MINDY2: variants seen among roughly 807,000 people sequenced by gnomAD.
MINDY2 encodes the protein ubiquitin carboxyl-terminal hydrolase MINDY-2.
Under a neutral mutation model 68.2 loss-of-function variants are expected in MINDY2, and 52 were observed. That is an observed-to-expected ratio of 0.76 (90% CI 0.61 to 0.96). The LOEUF (loss-of-function observed/expected upper bound fraction) is 0.96, where lower values mean the gene tolerates loss of function less well. Ranked by LOEUF, MINDY2 falls within the 40% of genes least tolerant of loss-of-function variation. The pLI is 0.00. For synonymous variants in MINDY2, 372 were observed against 303.0 expected (o/e 1.23, Z -2.36); for missense variants, 881 against 773.4 (o/e 1.14, Z -1.65).
intron 6 of MINDY2, among the ~76,000 whole-genome samples, chr15:58,836,535 C>T (rs1212058975): frequency 1.3e-5 from 2 of 152,088 alleles, no homozygotes; most frequent in African/African-American, 4.8e-5. Flanking sequence ...TCCTATATTC[C>T]TATTGTACCA....
At position 58,851,831 on chromosome 15, in the gene MINDY2, C is replaced by G. The variant is rs1344582122; in HGVS notation, c.1603C>G (p.Gln535Glu). The change falls in exon 8 of 9, where the codon CAA becomes GAA. Residue 535 changes from glutamine (Q) to glutamate (E), a missense_variant. Coordinates refer to ENST00000559228, the MANE Select transcript of MINDY2 (RefSeq NM_001040450.3). ...GCAGAGCCAAGAGATCAATTGGGAACAAATCCCGGAAGGAATCAGTGATTT... is the reference window on the plus strand; with the variant it reads ...GCAGAGCCAAGAGATCAATTGGGAAGAAATCCCGGAAGGAATCAGTGATTT... ...EQQSQEINWEQIPEGISDLEL... is the reference protein window; with the variant it reads ...EQQSQEINWEEIPEGISDLEL... The G allele has an allele frequency of 1.2e-6, 2 of 1,612,264 alleles. No homozygotes were observed. The highest frequency in any genetic ancestry group is 1.7e-5 in the Admixed American group (1 of 59,586).
chr15:58,836,002 C>G (rs1291707910), intron 6 of MINDY2, among the ~76,000 whole-genome samples: 5 of 152,036 alleles, frequency 3.3e-5, no homozygotes, highest in African/African-American at 9.7e-5. Context: ...CTCCGCCTCC[C>G]GGGTTCATGC....
intron 2 of MINDY2, among the ~76,000 whole-genome samples, chr15:58,789,011 C>T (rs1015595285): frequency 1.3e-5 from 2 of 150,428 alleles, no homozygotes; most frequent in Non-Finnish European, 3.0e-5. Context: ...GACTCCGTCT[C>T]AAAAACAAAA....
intron 2 of MINDY2, among the ~76,000 whole-genome samples, chr15:58,789,416 A>G (rs1200920007): frequency 2.0e-5 from 3 of 152,114 alleles, no homozygotes; most frequent in Non-Finnish European, 2.9e-5. Context: ...TTTGTGAGAT[A>G]CAGACTTAGT....
At chr15:58,827,909 C>T (rs534710839) in intron 5 of MINDY2, among the ~76,000 whole-genome samples, 89 of 151,972 alleles carry the variant, frequency 5.9e-4, no homozygotes, top group Non-Finnish European at 1.1e-3. Context: ...GTAAAATGTT[C>T]TGGGCTCCCT....
In MINDY2 at chr15:58,851,856, T is replaced by G; in HGVS notation, c.1628T>G (p.Leu543Trp). The G allele has an allele frequency of 6.2e-7, 1 of 1,613,244 alleles. No individual in the cohort carries two copies. The highest frequency in any genetic ancestry group is 8.5e-7 in the Non-Finnish European group (1 of 1,179,640). Residue 543 changes from leucine to tryptophan, a missense_variant, in exon 8 of 9, where the codon TTG becomes TGG. Transcript: ENST00000559228. ...CAAATCCCGGAAGGAATCAGTGATT[T>G]GGAACTAGCAAAGAAACTCCAAGAG... is the stretch of plus-strand genomic sequence containing the variant. ...WEQIPEGISD[L>W]ELAKKLQEEE... is the part of the protein sequence containing the mutation.
At chr15:58,845,990 A>C (rs2032510593) in intron 6 of MINDY2, among the ~76,000 whole-genome samples, 1 of 152,104 alleles carries the variant, frequency 6.6e-6, no homozygotes, top group Admixed American at 6.6e-5. Context: ...TGCGGGCTAG[A>C]AATTAAAACA....
intron 6 of MINDY2, among the ~76,000 whole-genome samples, chr15:58,833,544 A>AG (rs1191150810): frequency 1.4e-4 from 21 of 152,228 alleles, no homozygotes; most frequent in Admixed American, 1.4e-3. Context: ...TGGGTGTGGC[A>AG]GGATAATAGG....
intron 1 of MINDY2, among the ~76,000 whole-genome samples, chr15:58,774,521 A>G (rs1900656655): frequency 6.6e-6 from 1 of 151,840 alleles, no homozygotes; most frequent in Non-Finnish European, 1.5e-5. Flanking sequence ...GGAAATGCAA[A>G]GATGAGTATG....
intron 6 of MINDY2, among the ~76,000 whole-genome samples, chr15:58,846,974 G>A (rs2032569658): frequency 6.6e-6 from 1 of 152,028 alleles, no homozygotes; most frequent in African/African-American, 2.4e-5. Flanking sequence ...GTATTTTTCA[G>A]GAATTTGTAT....
rs1205138910 is a variant in MINDY2, at chr15:58,859,663, T to TG, written c.*5056dup. ...AAATTGCAAAATAGCGATAATGGCA[T>TG]GGGAGAGGCCAGATGCAGGACTCTG... On this transcript the variant is annotated 3_prime_UTR_variant, in exon 9 of 9. Coordinates refer to ENST00000559228, the MANE Select transcript of MINDY2 (RefSeq NM_001040450.3). The TG allele has an allele frequency of 6.6e-6, 1 of 152,156 alleles. No homozygotes were observed. The highest frequency in any genetic ancestry group is 2.4e-5 in the African/African-American group (1 of 41,442). 9.4% of individuals were successfully genotyped at this position (152,156 alleles called of 1,614,324 possible).
At chr15:58,811,386 G>A (rs77521060) in intron 4 of MINDY2, among the ~76,000 whole-genome samples, 4 of 152,118 alleles carry the variant, frequency 2.6e-5, no homozygotes, top group Admixed American at 1.3e-4. Context: ...GGAAGTAGAC[G>A]ACACACTGAA....
chr15:58,782,911 G>GTTTTTTTTTTTTTTT lies in MINDY2; in HGVS notation c.841-4983_841-4969dup. Among the ~76,000 whole-genome samples the GTTTTTTTTTTTTTTT allele has an allele frequency of 1.8e-3, 119 of 64,486 alleles. 20 individuals carry two copies. The highest frequency in any genetic ancestry group is 0.016 in the East Asian group (20 of 1,234). The allele number at this position is 64,486 out of a possible 152,430, so 42.3% of individuals were successfully genotyped here. On this transcript the variant is annotated intron_variant, in intron 1 of 8. Coordinates refer to ENST00000559228, the MANE Select transcript of MINDY2 (RefSeq NM_001040450.3). The stretch of plus-strand genomic sequence containing the variant: ...TCAATATATTTAATTTTTTCTCTCT[G>GTTTTTTTTTTTTTTT]TTTTTTTTTTTTTTTTTTTTTTTTT...
chr15:58,802,801 T>G (rs1223789040), intron 3 of MINDY2, among the ~76,000 whole-genome samples: 1 of 152,220 alleles, frequency 6.6e-6, no homozygotes, highest in Non-Finnish European at 1.5e-5. Context: ...TTAGGACAAG[T>G]TTTGCTATTT....
At position 58,791,215 on chromosome 15, in the gene MINDY2, TTATATATATATATATATATATATA is replaced by T. The variant is rs57998049; in HGVS notation, c.898+3270_898+3293del. On this transcript the variant is annotated intron_variant, in intron 2 of 8. Coordinates refer to ENST00000559228, the MANE Select transcript of MINDY2 (RefSeq NM_001040450.3). The stretch of plus-strand genomic sequence containing the variant: ...AAAGGGAGCCATCAGGAAAGCAATT[TTATATATATATATATATATATATA>T]TATATATATATATATATCTTGAGTT... 2.1e-4 allele frequency among the ~76,000 whole-genome samples: 17 copies of T among 79,612 alleles called. 1 individual carries two copies. Among genetic ancestry groups the T allele is most frequent in the South Asian group, 7.7e-4 (2 of 2,604 alleles). The allele number at this position is 79,612 out of a possible 152,430, so 52.2% of individuals were successfully genotyped here. A position where few individuals can be genotyped will look rare whatever the true frequency, so the allele number is the denominator to read the frequency against.
chr15:58,821,835 T>G lies in MINDY2; in HGVS notation c.1225+16T>G. ...GTTAGTGAAGGTGGGTGAGTGCTGC[T>G]ATTTCCTGACTTTTGAAATTCTTGG... On this transcript the variant is annotated intron_variant, in intron 5 of 8. Coordinates refer to ENST00000559228, the MANE Select transcript of MINDY2 (RefSeq NM_001040450.3). The G allele has an allele frequency of 2.0e-6, 3 of 1,520,662 alleles. No individual in the cohort carries two copies. In the South Asian group the frequency reaches 3.7e-5, roughly 19 times the overall value. 94.2% of individuals were successfully genotyped at this position (1,520,662 alleles called of 1,614,324 possible).
chr15:58,846,595 CAAAAAA>C (rs11335033), intron 6 of MINDY2, among the ~76,000 whole-genome samples: 1 of 98,278 alleles, frequency 1.0e-5, no homozygotes, highest in Non-Finnish European at 2.0e-5. Context: ...TGAGACTCCT[CAAAAAA>C]AAAAAAAAAA....
intron 4 of MINDY2, among the ~76,000 whole-genome samples, chr15:58,817,073 C>T (rs1337021370): frequency 6.6e-6 from 1 of 152,074 alleles, no homozygotes; most frequent in Admixed American, 6.6e-5. Context: ...ATTTCAAAAA[C>T]AAGATACAAA....
At chr15:58,784,637 T>C (rs1378208632) in intron 1 of MINDY2, among the ~76,000 whole-genome samples, 1 of 149,126 alleles carries the variant, frequency 6.7e-6, no homozygotes, top group Non-Finnish European at 1.5e-5. Flanking sequence ...TTTTTTTTTT[T>C]GAGATCGGAT....
Sources: allele counts gnomAD v4.1 joint callset (sites outside exome capture counted in the v4.1 genomes callset), GRCh38; gene constraint gnomAD v4.1.1; transcripts MANE v1.5; gene names NCBI Gene and HGNC (gene_info 2026-07-23, HGNC 2026-07-21).